The following PRKN variants were observed in gnomAD, a reference collection of about 807,000 sequenced individuals.
PRKN encodes E3 ubiquitin-protein ligase parkin.
A neutral mutation model predicts 59.5 loss-of-function variants in PRKN; 56 were observed. That is an observed-to-expected ratio of 0.94 (90% CI 0.76 to 1.18). The LOEUF is 1.18. Among genes scored for constraint, PRKN ranks in the 50% most tolerant of loss-of-function variants. The pLI is 0.00. For missense variants in PRKN, 657 were observed against 596.4 expected (o/e 1.10, Z -1.06); for synonymous variants, 250 against 222.1 (o/e 1.13, Z -1.12).
At chr6:162,507,817 G>A (rs1348579667) in intron 1 of PRKN, among the ~76,000 whole-genome samples, 1 of 152,184 alleles carries the variant, frequency 6.6e-6, no homozygotes, top group East Asian at 1.9e-4. Context: ...TTGGCATTCT[G>A]CACAGATCCG....
rs919218836 is a variant in PRKN at position 161,579,433 on chromosome 6, G to A, written c.872-10017C>T. The stretch of plus-strand genomic sequence containing the variant: ...AAAAGAATTCTGAGTTCCAAACAAT[G>A]TATAGACATGAACATTTATGGAACA... On this transcript the variant is annotated intron_variant, in intron 7 of 11. Coordinates refer to ENST00000366898, the MANE Select transcript of PRKN (RefSeq NM_004562.3). This position sits in a 1 kb window ranked among gnomAD's most constrained non-coding sequence, Gnocchi z 4.2. Among the ~76,000 whole-genome samples, 2 of 152,160 alleles carry A rather than the reference G, an allele frequency of 1.3e-5. No individual in the cohort carries two copies. The highest frequency in any genetic ancestry group is 2.9e-5 in the Non-Finnish European group (2 of 68,022).
At chr6:161,539,074 A>G (rs141878095) in intron 9 of PRKN, among the ~76,000 whole-genome samples, 67 of 152,342 alleles carry the variant, frequency 4.4e-4, no homozygotes, top group African/African-American at 1.6e-3. Flanking sequence ...CCCAAGGGGC[A>G]CTAGCTGAAC....
chr6:162,703,011 ATTTAC>A (rs773601221), intron 1 of PRKN, among the ~76,000 whole-genome samples: 3 of 152,312 alleles, frequency 2.0e-5, no homozygotes, highest in Non-Finnish European at 2.9e-5. Context: ...TTTGGAATAT[ATTTAC>A]TTAAGACTTT....
At chr6:161,872,739 G>A (rs1166497363) in intron 6 of PRKN, among the ~76,000 whole-genome samples, 1 of 152,092 alleles carries the variant, frequency 6.6e-6, no homozygotes, top group South Asian at 2.1e-4. Context: ...GACTAGGACT[G>A]TAACGGAGTA....
intron 1 of PRKN, among the ~76,000 whole-genome samples, chr6:162,692,570 A>ACC (rs66507325): frequency 0.37 from 54,609 of 149,584 alleles, 10,141 homozygotes; most frequent in Admixed American, 0.42. Flanking sequence ...TACAAGACAG[A>ACC]CCCCCCCCAA....
chr6:162,612,138 A>G (rs1034911407), intron 1 of PRKN, among the ~76,000 whole-genome samples: 1 of 139,098 alleles, frequency 7.2e-6, no homozygotes, highest in African/African-American at 2.7e-5. Context: ...GCTTGCAGTG[A>G]GCTGAGATCG....
intron 3 of PRKN, among the ~76,000 whole-genome samples, chr6:162,253,117 T>G (rs1002354830): frequency 6.6e-6 from 1 of 152,190 alleles, no homozygotes; most frequent in Non-Finnish European, 1.5e-5. Flanking sequence ...GAGAGTACTT[T>G]TTCTTTCTTC....
intron 1 of PRKN, among the ~76,000 whole-genome samples, chr6:162,604,887 A>C (rs1173525025): frequency 6.6e-6 from 1 of 152,138 alleles, no homozygotes; most frequent in Non-Finnish European, 1.5e-5. Flanking sequence ...CACTCATGTT[A>C]TGCTCAGTTC....
chr6:161,777,892 ATG>A (rs1790024148), intron 7 of PRKN, among the ~76,000 whole-genome samples: 1 of 124,132 alleles, frequency 8.1e-6, no homozygotes, highest in Admixed American at 7.9e-5. Flanking sequence ...ATGTATATAT[ATG>A]TATACATATA....
intron 6 of PRKN, among the ~76,000 whole-genome samples, chr6:161,848,055 G>A (rs977259317): frequency 6.6e-6 from 1 of 152,182 alleles, no homozygotes; most frequent in Non-Finnish European, 1.5e-5. Flanking sequence ...GATACCAAAA[G>A]AGACTGGAAT....
At chr6:162,696,952 ATAC>A (rs1185921693) in intron 1 of PRKN, among the ~76,000 whole-genome samples, 1 of 152,228 alleles carries the variant, frequency 6.6e-6, no homozygotes, top group Non-Finnish European at 1.5e-5. Context: ...ATTTTTAAGC[ATAC>A]TACAATATAA....
intron 1 of PRKN, chr6:162,694,829 G>A (rs1002476050): frequency 3.3e-5 from 5 of 152,106 alleles, no homozygotes; most frequent in Non-Finnish European, 4.4e-5. Context: ...TTTTTAAATC[G>A]TAAAAGCTTT....
Position 161,410,123 on chromosome 6 carries a change from CT to C in PRKN, c.1084-23247del, listed in dbSNP as rs1329881925. Among the ~76,000 whole-genome samples the C allele has an allele frequency of 2.6e-5, 4 of 152,092 alleles. No homozygotes were observed. The highest frequency in any genetic ancestry group is 5.9e-5 in the Non-Finnish European group (4 of 68,024). On this transcript the variant is annotated intron_variant, in intron 9 of 11. Coordinates refer to ENST00000366898, the MANE Select transcript of PRKN (RefSeq NM_004562.3). This position sits in a 1 kb window ranked among gnomAD's most constrained non-coding sequence, Gnocchi z 5.3. ...GCGGTCTGGCACTTTTTTTGAGTGTCTGCTGCCCTTGAAGAAGGGGATGGGG... is the reference window on the plus strand; with the variant it reads ...GCGGTCTGGCACTTTTTTTGAGTGTCGCTGCCCTTGAAGAAGGGGATGGGG...
intron 2 of PRKN, among the ~76,000 whole-genome samples, chr6:162,396,096 C>T (rs1644956649): frequency 6.6e-6 from 1 of 152,120 alleles, no homozygotes; most frequent in Admixed American, 6.6e-5. Context: ...TGGGCAAGGC[C>T]TTAAGCTGAG....
intron 7 of PRKN, among the ~76,000 whole-genome samples, chr6:161,766,624 C>A (rs2128200583): frequency 6.6e-6 from 1 of 152,244 alleles, no homozygotes; most frequent in South Asian, 2.1e-4. Context: ...CCACAGAACA[C>A]AGTTTGATAA....
At chr6:161,528,094 A>C (rs1779077775) in intron 9 of PRKN, among the ~76,000 whole-genome samples, 1 of 151,484 alleles carries the variant, frequency 6.6e-6, no homozygotes, top group Admixed American at 6.6e-5. Context: ...ATTTCCATAG[A>C]TATAATATAT....
chr6:162,722,915 A>G (rs1347037383), intron 1 of PRKN, among the ~76,000 whole-genome samples: 2 of 152,212 alleles, frequency 1.3e-5, no homozygotes, highest in Non-Finnish European at 2.9e-5. Context: ...TCTTCTATGC[A>G]AAACTTTAGT....
At chr6:161,597,084 C>T (rs1269232620) in intron 7 of PRKN, among the ~76,000 whole-genome samples, 1 of 152,164 alleles carries the variant, frequency 6.6e-6, no homozygotes, top group Non-Finnish European at 1.5e-5. Context: ...GAACAAGAGG[C>T]TTTGGGCCTC....
intron 2 of PRKN, among the ~76,000 whole-genome samples, chr6:162,422,466 C>G (rs1306040172): frequency 6.6e-6 from 1 of 152,152 alleles, no homozygotes; most frequent in African/African-American, 2.4e-5. Context: ...TTGGGTCTTG[C>G]ATGTAGAGCT....
Sources: allele counts gnomAD v4.1 joint callset (sites outside exome capture counted in the v4.1 genomes callset), GRCh38; gene constraint gnomAD v4.1.1; non-coding constraint Gnocchi (gnomAD v3.1); transcripts MANE v1.5; gene names NCBI Gene and HGNC (gene_info 2026-07-23, HGNC 2026-07-21).